Variants in TM4SF4 observed in about 807,000 individuals in gnomAD.
TM4SF4 encodes the protein transmembrane 4 L6 family member 4.
In TM4SF4, 24 loss-of-function variants were observed where a neutral mutation model predicts 24.1. The observed-to-expected ratio is 1.00, with a 90% CI of 0.72 to 1.40. TM4SF4 has a LOEUF of 1.40. Among genes scored for constraint, TM4SF4 ranks in the 40% most tolerant of loss-of-function variants. TM4SF4 has a pLI of 0.00. For synonymous variants in TM4SF4, 113 were observed against 97.0 expected (o/e 1.17, Z -0.97); for missense variants, 254 against 254.2 (o/e 1.00, Z 0.01).
At chr3:149,475,134 G>A (rs1336481556) in intron 1 of TM4SF4, 83 bp downstream of exon 1, 12 of 1,413,946 alleles carry the variant, frequency 8.5e-6, no homozygotes, top group Non-Finnish European at 1.1e-5. Flanking sequence ...TATTGAACAG[G>A]GAGATATTTA....
At chr3:149,499,338 C>T (rs952176943) in intron 4 of TM4SF4, among the ~76,000 whole-genome samples, 1 of 152,106 alleles carries the variant, frequency 6.6e-6, no homozygotes, top group Non-Finnish European at 1.5e-5. Context: ...ATGAACAGAA[C>T]ATACCAATGC....
At chr3:149,490,912 T>C (rs1294906168) in intron 3 of TM4SF4, among the ~76,000 whole-genome samples, 1 of 152,174 alleles carries the variant, frequency 6.6e-6, no homozygotes, top group Non-Finnish European at 1.5e-5. Context: ...CTTGTTCTTG[T>C]TCTTCTTCCT....
At position 149,475,826 on chromosome 3, in the gene TM4SF4, A is replaced by T. The variant is rs780428035; in HGVS notation, c.178A>T (p.Ile60Phe). 6 of 1,609,714 alleles carry T rather than the reference A, an allele frequency of 3.7e-6. No homozygotes were observed. The highest frequency in any genetic ancestry group is 5.1e-6 in the Non-Finnish European group (6 of 1,178,148). ...GAGGTGCCTCTTCTCCTGGTAGATG[A>T]TCTTCCCTGCGCTGGTGTTCTTGGG... ...GGILGSGVLM[I>F]FPALVFLGLK... Residue 60 changes from isoleucine (I) to phenylalanine (F), a missense_variant, in exon 2 of 5, where the codon ATC (isoleucine) becomes TTC (phenylalanine). Ile to Phe is a conservative substitution (Grantham distance 21, BLOSUM62 0). Coordinates refer to ENST00000305354, the MANE Select transcript of TM4SF4 (RefSeq NM_004617.4).
intron 4 of TM4SF4, 112 bp from the exon 5 acceptor site, chr3:149,502,564 G>GCAAC: frequency 2.6e-6 from 2 of 780,518 alleles, no homozygotes; most frequent in Non-Finnish European, 2.3e-6. Flanking sequence ...CATTCAATAG[G>GCAAC]CAACCATTAA....
chr3:149,481,685 T>C (rs1734036919), intron 2 of TM4SF4, among the ~76,000 whole-genome samples: 1 of 152,140 alleles, frequency 6.6e-6, no homozygotes. Flanking sequence ...ACAGCTGGGA[T>C]CTGATGGTAC....
At chr3:149,479,838 A>G (rs1734003462) in intron 2 of TM4SF4, among the ~76,000 whole-genome samples, 1 of 152,112 alleles carries the variant, frequency 6.6e-6, no homozygotes, top group Non-Finnish European at 1.5e-5. Flanking sequence ...TCTCATCTGC[A>G]TTATATCTTT....
chr3:149,492,649 A>G (rs1734232311), intron 3 of TM4SF4, among the ~76,000 whole-genome samples: 1 of 152,128 alleles, frequency 6.6e-6, no homozygotes, highest in South Asian at 2.1e-4. Flanking sequence ...GCCAGGCTGC[A>G]ACTCTTTACC....
intron 2 of TM4SF4, among the ~76,000 whole-genome samples, chr3:149,480,797 C>T (rs757099972): frequency 9.3e-4 from 141 of 151,660 alleles, no homozygotes; most frequent in Non-Finnish European, 1.8e-3. Flanking sequence ...CTTCTTTTTT[C>T]CAGATGTTTT....
Position 149,498,727 on chromosome 3 carries a change from A to G in TM4SF4, c.407A>G (p.Tyr136Cys). The G allele has an allele frequency of 6.2e-7, 1 of 1,613,960 alleles. No homozygotes were observed. The highest frequency in any genetic ancestry group is 1.1e-5 in the South Asian group (1 of 91,074). Residue 136 changes from tyrosine (Y) to cysteine (C), a missense_variant, in exon 4 of 5, where the codon TAT (tyrosine) becomes TGT (cysteine). Physicochemically the swap from Tyr to Cys is radical, Grantham distance 194. Transcript: ENST00000305354. ...TWGYPFHDGD[Y>C]LNDEALWNKC... The stretch of plus-strand genomic sequence containing the variant: ...GTCCCCTATATCACCAACAGGGATT[A>G]TCTCAATGATGAGGCCTTATGGAAC...
At position 149,475,064 on chromosome 3, in the gene TM4SF4, G is replaced by GA. The variant is rs1560027557; in HGVS notation, c.174+13_174+14insA. On this transcript the variant is annotated intron_variant, in intron 1 of 4. Coordinates refer to ENST00000305354, the MANE Select transcript of TM4SF4 (RefSeq NM_004617.4). ...AAGCGGTGTCTTGGTGAGTAGGGAA[G>GA]CTTAAAATCCCCCTAAGGGAGATTT... is the stretch of plus-strand genomic sequence containing the variant. 3 of 1,607,930 alleles carry GA rather than the reference G, an allele frequency of 1.9e-6. No homozygotes were observed. Among genetic ancestry groups the GA allele is most frequent in the Non-Finnish European group, 2.5e-6 (3 of 1,178,658 alleles).
In TM4SF4 at chr3:149,475,890, A is replaced by T. The variant is rs755336776; in HGVS notation, c.242A>T (p.Glu81Val). 12 of 1,612,882 alleles carry T rather than the reference A, an allele frequency of 7.4e-6. No individual in the cohort carries two copies. In the Admixed American group the frequency reaches 1.7e-4, roughly 22 times the overall value. ...NNDCCGCCGNEGCGKRFAMFT... is the reference protein window; with the variant it reads ...NNDCCGCCGNVGCGKRFAMFT... ...GACTGCTGTGGGTGCTGCGGCAACG[A>T]GGGCTGTGGGAAGCGATTTGCGGTG... The change falls in exon 2 of 5, where the codon GAG becomes GTG. Residue 81 changes from glutamate to valine, a missense_variant. Transcript: ENST00000305354.
intron 2 of TM4SF4, among the ~76,000 whole-genome samples, chr3:149,476,256 G>T (rs1279250488): frequency 6.6e-6 from 1 of 152,192 alleles, no homozygotes; most frequent in African/African-American, 2.4e-5. Flanking sequence ...ATAAGAACTT[G>T]GACAAGTCAT....
At chr3:149,486,776 A>G (rs1322661052) in intron 2 of TM4SF4, among the ~76,000 whole-genome samples, 1 of 152,214 alleles carries the variant, frequency 6.6e-6, no homozygotes, top group Non-Finnish European at 1.5e-5. Context: ...CAATCTTCAG[A>G]TATTTTAAAG....
At chr3:149,489,088 C>A (rs182244072) in intron 3 of TM4SF4, among the ~76,000 whole-genome samples, 4 of 152,290 alleles carry the variant, frequency 2.6e-5, no homozygotes, top group Admixed American at 2.6e-4. Flanking sequence ...CATCCTCATA[C>A]CTTGTGCAGC....
At chr3:149,476,346 G>A (rs1305699023) in intron 2 of TM4SF4, among the ~76,000 whole-genome samples, 1 of 152,216 alleles carries the variant, frequency 6.6e-6, no homozygotes, top group Non-Finnish European at 1.5e-5. Context: ...CCCCTCCCCA[G>A]TAGGCTTCTA....
intron 2 of TM4SF4, among the ~76,000 whole-genome samples, 181 bp downstream of exon 2, chr3:149,476,093 C>A (rs1243833589): frequency 6.6e-6 from 1 of 152,142 alleles, no homozygotes; most frequent in Non-Finnish European, 1.5e-5. Flanking sequence ...TCCAAAATAC[C>A]ATAGCCCTCA....
chr3:149,501,567 A>G (rs1209524469), intron 4 of TM4SF4, among the ~76,000 whole-genome samples: 1 of 152,206 alleles, frequency 6.6e-6, no homozygotes, highest in Non-Finnish European at 1.5e-5. Flanking sequence ...AGTGCACAAG[A>G]GCTGCAGTTT....
At chr3:149,476,814 G>GTTTTTTTTTTTT (rs67092416) in intron 2 of TM4SF4, among the ~76,000 whole-genome samples, 38 of 81,166 alleles carry the variant, frequency 4.7e-4, no homozygotes, top group East Asian at 1.4e-3. Flanking sequence ...TTTTGTTTTT[G>GTTTTTTTTTTTT]TTTTTTTTTT....
At chr3:149,476,814 GTTTTTT>G (rs67092416) in intron 2 of TM4SF4, among the ~76,000 whole-genome samples, 1 of 81,212 alleles carries the variant, frequency 1.2e-5, no homozygotes, top group East Asian at 2.8e-4. Context: ...TTTTGTTTTT[GTTTTTT>G]TTTTTTTTTT....
Sources: gnomAD v4.1 joint callset for allele counts (sites outside exome capture counted in the v4.1 genomes callset) on GRCh38, gnomAD v4.1.1 for gene constraint, MANE v1.5 for transcripts, NCBI Gene and HGNC (gene_info 2026-07-23, HGNC 2026-07-21) for gene names.